NDFIP2: variants seen among roughly 807,000 people sequenced by gnomAD.
NDFIP2 encodes NEDD4 family-interacting protein 2.
Under a neutral mutation model 36.0 loss-of-function variants are expected in NDFIP2, and 19 were observed. That is an observed-to-expected ratio of 0.53 (90% CI 0.37 to 0.77). The LOEUF (loss-of-function observed/expected upper bound fraction) is 0.77, where lower values mean the gene tolerates loss of function less well. Among genes scored for constraint, NDFIP2 ranks in the 30% least tolerant of loss-of-function variants. The pLI, the probability that NDFIP2 is intolerant of heterozygous loss-of-function variation, is 0.00. For missense variants in NDFIP2, 446 were observed against 435.8 expected (o/e 1.02, Z -0.21); for synonymous variants, 181 against 167.7 (o/e 1.08, Z -0.61).
At chr13:79,530,389 T>A (rs1874969012) in intron 2 of NDFIP2, among the ~76,000 whole-genome samples, 1 of 152,210 alleles carries the variant, frequency 6.6e-6, no homozygotes, top group Non-Finnish European at 1.5e-5. Flanking sequence ...GTAGCTGGGA[T>A]TACAGGTGCC....
chr13:79,504,550 A>G (rs1873786776), intron 1 of NDFIP2, among the ~76,000 whole-genome samples: 1 of 152,150 alleles, frequency 6.6e-6, no homozygotes, highest in Non-Finnish European at 1.5e-5. Flanking sequence ...AAGAAAAAAC[A>G]TTTTTATAAA....
rs1453857565 is a variant in NDFIP2 at position 79,554,395 on chromosome 13, T to C, written c.*1882T>C. 6.6e-6 allele frequency: 1 copy of C among 151,822 alleles called. No homozygotes were observed. Among genetic ancestry groups the C allele is most frequent in the Non-Finnish European group, 1.5e-5 (1 of 67,748 alleles). 9.4% of individuals were successfully genotyped at this position (151,822 alleles called of 1,614,324 possible). A position where few individuals can be genotyped will look rare whatever the true frequency, so the allele number is the denominator to read the frequency against. ...TAAGCTTTGCTACATGGTAATTAAA[T>C]AATTACTAGGAAGCTTAGCTATCAA... On this transcript the variant is annotated 3_prime_UTR_variant, in exon 8 of 8. Coordinates refer to ENST00000218652, the MANE Select transcript of NDFIP2 (RefSeq NM_019080.3).
rs181049719 is a variant in NDFIP2, at chr13:79,525,855, T to C, written c.487+4880T>C. On this transcript the variant is annotated intron_variant, in intron 2 of 7. Transcript: ENST00000218652. Reference sequence around the variant, plus strand: ...AACCGTGCATAAGGCAGAACTATTGTATATGGTTTTTCTCTTTTAATTTTT... The same window carrying C: ...AACCGTGCATAAGGCAGAACTATTGCATATGGTTTTTCTCTTTTAATTTTT... Among the ~76,000 whole-genome samples the C allele has an allele frequency of 1.3e-3, 199 of 152,356 alleles. 1 individual carries two copies. Among genetic ancestry groups the C allele is most frequent in the Middle Eastern group, 0.01 (3 of 294 alleles).
intron 5 of NDFIP2, among the ~76,000 whole-genome samples, chr13:79,545,287 T>C (rs7328479): frequency 0.044 from 6,756 of 152,250 alleles, 527 homozygotes; most frequent in African/African-American, 0.16. Flanking sequence ...ACAACTTATG[T>C]CCTTAAAGTA....
chr13:79,542,510 T>C (rs115797814), intron 4 of NDFIP2, among the ~76,000 whole-genome samples: 2,429 of 152,100 alleles, frequency 0.016, 46 homozygotes, highest in African/African-American at 0.054. Flanking sequence ...GTTCTGTTTT[T>C]TGTTTTTTTT....
intron 7 of NDFIP2, among the ~76,000 whole-genome samples, chr13:79,552,233 G>C (rs1296796085): frequency 6.6e-6 from 1 of 151,164 alleles, no homozygotes; most frequent in African/African-American, 2.4e-5. Context: ...GAATTTGTCA[G>C]TATTAATAAT....
chr13:79,509,889 A>C (rs1874016783), intron 1 of NDFIP2, among the ~76,000 whole-genome samples: 1 of 152,156 alleles, frequency 6.6e-6, no homozygotes, highest in Non-Finnish European at 1.5e-5. Flanking sequence ...TCATCTTTTC[A>C]CATTTTTCTG....
chr13:79,512,793 G>A (rs915240611), intron 1 of NDFIP2, among the ~76,000 whole-genome samples: 2 of 152,144 alleles, frequency 1.3e-5, no homozygotes, highest in African/African-American at 4.8e-5. Flanking sequence ...TACATGTCTT[G>A]CAGTCTCTGA....
At chr13:79,492,036 G>A (rs1351907920) in intron 1 of NDFIP2, among the ~76,000 whole-genome samples, 1 of 152,160 alleles carries the variant, frequency 6.6e-6, no homozygotes, top group East Asian at 1.9e-4. Context: ...ATGTGCTGTG[G>A]TTTAGTTCAT....
chr13:79,523,645 A>G (rs1344455842), intron 2 of NDFIP2, among the ~76,000 whole-genome samples: 1 of 152,210 alleles, frequency 6.6e-6, no homozygotes, highest in Non-Finnish European at 1.5e-5. Context: ...AATAAAAGTT[A>G]TGTGAATGTA....
Position 79,494,531 on chromosome 13 carries a change from G to A in NDFIP2, c.321+13007G>A, listed in dbSNP as rs137953622. ...TCATGTTAATTTTTGCATGGTCAAAGGCATTGGATTAGTTCCTTTTTTCTT... is the reference window on the plus strand; with the variant it reads ...TCATGTTAATTTTTGCATGGTCAAAAGCATTGGATTAGTTCCTTTTTTCTT... On this transcript the variant is annotated intron_variant, in intron 1 of 7. Coordinates refer to ENST00000218652, the MANE Select transcript of NDFIP2 (RefSeq NM_019080.3). Among the ~76,000 whole-genome samples the A allele has an allele frequency of 2.8e-4, 42 of 152,036 alleles. No individual in the cohort carries two copies. The East Asian group carries it at 6.0e-3, about 22-fold the overall frequency.
chr13:79,536,232 T>C (rs1875233487), intron 3 of NDFIP2, among the ~76,000 whole-genome samples: 1 of 152,248 alleles, frequency 6.6e-6, no homozygotes, highest in African/African-American at 2.4e-5. Context: ...TAGACTCATT[T>C]CATCTTATAA....
intron 3 of NDFIP2, among the ~76,000 whole-genome samples, chr13:79,538,964 C>T (rs1364716818): frequency 6.6e-6 from 1 of 152,176 alleles, no homozygotes; most frequent in Admixed American, 6.5e-5. Context: ...TAGCTCTGCC[C>T]CTGAGGCTTT....
intron 6 of NDFIP2, among the ~76,000 whole-genome samples, chr13:79,550,379 A>T (rs958278896): frequency 6.6e-6 from 1 of 151,768 alleles, no homozygotes; most frequent in Non-Finnish European, 1.5e-5. Context: ...AATCTAAATC[A>T]TTAGAGTGAC....
At chr13:79,515,168 G>A (rs1172885232) in intron 1 of NDFIP2, among the ~76,000 whole-genome samples, 2 of 148,196 alleles carry the variant, frequency 1.3e-5, no homozygotes, top group East Asian at 1.9e-4. Flanking sequence ...GTAACACAAT[G>A]GTGAGTATTT....
At chr13:79,497,796 G>GTGTA (rs1491278242) in intron 1 of NDFIP2, among the ~76,000 whole-genome samples, 3 of 107,930 alleles carry the variant, frequency 2.8e-5, no homozygotes, top group Non-Finnish European at 6.1e-5. Flanking sequence ...TCTGTGGGGG[G>GTGTA]TGTGTGTGTG....
intron 1 of NDFIP2, among the ~76,000 whole-genome samples, chr13:79,496,860 C>T (rs541572624): frequency 8.2e-4 from 124 of 151,900 alleles, no homozygotes; most frequent in African/African-American, 2.9e-3. Context: ...CATATTAAAA[C>T]ATTTATTTCG....
intron 1 of NDFIP2, among the ~76,000 whole-genome samples, chr13:79,493,553 A>C (rs2140736256): frequency 6.6e-6 from 1 of 152,278 alleles, no homozygotes; most frequent in South Asian, 2.1e-4. Context: ...GGGAGTCCTT[A>C]ATGATCATTT....
rs537465061 is a variant in NDFIP2 at position 79,553,827 on chromosome 13, G to C, written c.*1314G>C. On this transcript the variant is annotated 3_prime_UTR_variant, in exon 8 of 8. Transcript: ENST00000218652. ...TATGTCTCATCTGTTTTTCCTTTCG[G>C]TTATATCTTTGGTTTTGAATACCAA... The C allele has an allele frequency of 6.6e-6, 1 of 151,570 alleles. No individual in the cohort carries two copies. Among genetic ancestry groups the C allele is most frequent in the Non-Finnish European group, 1.5e-5 (1 of 67,426 alleles). 9.4% of individuals were successfully genotyped at this position (151,570 alleles called of 1,614,324 possible).
Sources: gnomAD v4.1 joint callset for allele counts (sites outside exome capture counted in the v4.1 genomes callset) on GRCh38, gnomAD v4.1.1 for gene constraint, MANE v1.5 for transcripts, NCBI Gene and HGNC (gene_info 2026-07-23, HGNC 2026-07-21) for gene names.